STK32B: variants seen among roughly 807,000 people sequenced by gnomAD.
STK32B encodes the protein serine/threonine kinase 32B, also known as serine/threonine-protein kinase 32B.
In STK32B, 43 loss-of-function variants were observed where a neutral mutation model predicts 52.6. That is an observed-to-expected ratio of 0.82 (90% CI 0.64 to 1.05). The LOEUF is 1.05. Ranked by LOEUF, STK32B falls within the 50% of genes least tolerant of loss-of-function variation. STK32B has a pLI of 0.00. For synonymous variants in STK32B, 238 were observed against 204.3 expected (o/e 1.17, Z -1.41); for missense variants, 621 against 534.6 (o/e 1.16, Z -1.59).
chr4:5,166,765 A>G (rs747068823), intron 2 of STK32B, among the ~76,000 whole-genome samples: 5 of 151,958 alleles, frequency 3.3e-5, no homozygotes, highest in African/African-American at 1.2e-4. Context: ...TAAATCCCCC[A>G]GTTTGAGGTA....
intron 5 of STK32B, among the ~76,000 whole-genome samples, chr4:5,412,055 A>G (rs1330943766): frequency 6.6e-6 from 1 of 152,208 alleles, no homozygotes; most frequent in Non-Finnish European, 1.5e-5. Context: ...GGGGTGTCAA[A>G]GGGTTGGAAA....
chr4:5,100,630 TTC>T (rs142745949), intron 1 of STK32B, among the ~76,000 whole-genome samples: 1 of 105,376 alleles, frequency 9.5e-6, no homozygotes, highest in Non-Finnish European at 1.8e-5. Flanking sequence ...TTTTCTTTCT[TTC>T]TCTTTCTTTC....
chr4:5,243,373 T>C (rs1725185979), intron 3 of STK32B, among the ~76,000 whole-genome samples: 1 of 152,216 alleles, frequency 6.6e-6, no homozygotes, highest in Non-Finnish European at 1.5e-5. Context: ...GATTTGGCTC[T>C]CTGTTTGTCT....
At chr4:5,021,775 G>A in the STK32B span, among the ~76,000 whole-genome samples, 1 of 152,146 alleles carries the variant, frequency 6.6e-6, no homozygotes, top group Non-Finnish European at 1.5e-5. Flanking sequence ...AGGCTTATAG[G>A]CCTTCCCATT....
intron 2 of STK32B, among the ~76,000 whole-genome samples, chr4:5,143,667 C>A (rs1716679767): frequency 6.6e-6 from 1 of 152,122 alleles, no homozygotes; most frequent in Admixed American, 6.5e-5. Context: ...TTCCACAGGC[C>A]CTTGCTCCTA....
chr4:5,184,826 A>G (rs1311900229), intron 3 of STK32B, among the ~76,000 whole-genome samples: 1 of 152,266 alleles, frequency 6.6e-6, no homozygotes, highest in Non-Finnish European at 1.5e-5. Context: ...GCTGTTGGAA[A>G]ACATGGCACC....
chr4:5,456,996 A>T, intron 8 of STK32B, 73 bp downstream of exon 8: 1 of 1,091,834 alleles, frequency 9.2e-7, no homozygotes, highest in Non-Finnish European at 1.3e-6. Context: ...TCAGCAAACG[A>T]AGGGGTGAGA....
intron 1 of STK32B, among the ~76,000 whole-genome samples, chr4:5,082,968 T>A (rs1286330909): frequency 6.6e-6 from 1 of 152,242 alleles, no homozygotes; most frequent in Non-Finnish European, 1.5e-5. Context: ...TTTTACATAA[T>A]GTTTTGGTGA....
At chr4:5,249,343 G>T (rs1725717404) in intron 3 of STK32B, among the ~76,000 whole-genome samples, 1 of 152,140 alleles carries the variant, frequency 6.6e-6, no homozygotes. Context: ...GCTCAAAGTT[G>T]AGTGTTAAAA....
At chr4:5,104,187 G>A (rs962081700) in intron 1 of STK32B, among the ~76,000 whole-genome samples, 4 of 152,112 alleles carry the variant, frequency 2.6e-5, no homozygotes, top group African/African-American at 4.8e-5. Context: ...TAATTGAATC[G>A]TGGGGGTGGT....
At chr4:5,301,451 C>T (rs1273225404) in intron 3 of STK32B, among the ~76,000 whole-genome samples, 1 of 151,738 alleles carries the variant, frequency 6.6e-6, no homozygotes, top group African/African-American at 2.4e-5. Context: ...TGAATCTTTT[C>T]ATTTATGAAA....
chr4:5,118,492 G>A (rs116588577), intron 1 of STK32B, among the ~76,000 whole-genome samples: 2 of 152,178 alleles, frequency 1.3e-5, no homozygotes, highest in Non-Finnish European at 2.9e-5. Context: ...TGTGCTGAAC[G>A]TGAATGAGCT....
At chr4:5,371,388 A>G (rs1353677208) in intron 4 of STK32B, among the ~76,000 whole-genome samples, 1 of 152,200 alleles carries the variant, frequency 6.6e-6, no homozygotes, top group Non-Finnish European at 1.5e-5. Context: ...TTCTTGCTAA[A>G]GTGACTTAGC....
At chr4:5,175,303 C>G (rs182656026) in intron 3 of STK32B, among the ~76,000 whole-genome samples, 85 of 152,160 alleles carry the variant, frequency 5.6e-4, no homozygotes, top group Non-Finnish European at 1.1e-3. Flanking sequence ...TCTCTCAACT[C>G]GTCAAAGTTA....
intron 1 of STK32B, among the ~76,000 whole-genome samples, chr4:5,111,665 T>A (rs1714414218): frequency 6.6e-6 from 1 of 152,076 alleles, no homozygotes; most frequent in South Asian, 2.1e-4. Context: ...ATCCAATATA[T>A]GGATGATGGG....
In STK32B at chr4:5,400,288, C is replaced by T. The variant is rs886544663; in HGVS notation, c.472+2044C>T. On this transcript the variant is annotated intron_variant, in intron 5 of 11. Coordinates refer to ENST00000282908, the MANE Select transcript of STK32B (RefSeq NM_018401.3). The surrounding 1 kb of genome is among the most constrained non-coding windows in gnomAD (Gnocchi z 6.1). ...TCTTTCCTGCCTTTTGGATTTCCAT[C>T]CATCCCATTCCGCCTCCCTTTCTGT... Among the ~76,000 whole-genome samples, 4 of 152,194 alleles carry T rather than the reference C, an allele frequency of 2.6e-5. No individual in the cohort carries two copies. Among genetic ancestry groups the T allele is most frequent in the African/African-American group, 9.6e-5 (4 of 41,454 alleles).
Position 5,399,258 on chromosome 4 carries a change from G to GC in STK32B, c.472+1016dup, listed in dbSNP as rs1244548266. Among the ~76,000 whole-genome samples the GC allele has an allele frequency of 2.6e-5, 4 of 151,614 alleles. No individual in the cohort carries two copies. The highest frequency in any genetic ancestry group is 5.9e-5 in the Non-Finnish European group (4 of 67,646). On this transcript the variant is annotated intron_variant, in intron 5 of 11. Transcript: ENST00000282908. The surrounding 1 kb of genome is among the most constrained non-coding windows in gnomAD (Gnocchi z 5.4). Reference sequence around the variant, plus strand: ...AGTAGGGATTCTCATCCCTGCTGAGGCCTTCAGGGATGAATGAGTCACATT... The same window carrying GC: ...AGTAGGGATTCTCATCCCTGCTGAGGCCCTTCAGGGATGAATGAGTCACATT...
rs567566314 is a variant in STK32B at position 5,115,305 on chromosome 4, T to C, written c.53-24600T>C. ...ATTAGGCCCAAGCCCAGTTCTAATC[T>C]CTGCATCAGCATACTTCCCAGAGCC... On this transcript the variant is annotated intron_variant, in intron 1 of 11. Transcript: ENST00000282908. 5.3e-5 allele frequency among the ~76,000 whole-genome samples: 8 copies of C among 152,258 alleles called. No homozygotes were observed. In the South Asian group the frequency reaches 1.5e-3, roughly 28 times the overall value.
intron 1 of STK32B, among the ~76,000 whole-genome samples, chr4:5,104,038 G>A (rs1047133324): frequency 1.3e-5 from 2 of 152,148 alleles, no homozygotes; most frequent in African/African-American, 4.8e-5. Flanking sequence ...TGCCTCGAAA[G>A]TTTTAACAGT....
Sources: gnomAD v4.1 joint callset for allele counts (sites outside exome capture counted in the v4.1 genomes callset) on GRCh38, gnomAD v4.1.1 for gene constraint, Gnocchi (gnomAD v3.1) non-coding constraint, MANE v1.5 for transcripts, NCBI Gene and HGNC (gene_info 2026-07-23, HGNC 2026-07-21) for gene names.